The following TRIOBP variants were observed in gnomAD, a reference collection of about 807,000 sequenced individuals.
The protein encoded by TRIOBP is TRIO and F-actin binding protein.
In TRIOBP, 169 loss-of-function variants were observed where a neutral mutation model predicts 238.8. The ratio of observed to expected loss-of-function variants is 0.71; its 90% CI spans 0.62 to 0.80. The LOEUF is 0.80. TRIOBP is among the 30% of genes least tolerant of loss of function. The pLI, the probability that TRIOBP is intolerant of heterozygous loss-of-function variation, is 0.00. For synonymous variants in TRIOBP, 1,150 were observed against 1,274.4 expected (o/e 0.90, Z 2.08); for missense variants, 2,838 against 3,122.6 (o/e 0.91, Z 2.17).
chr22:37,741,162 C>A, intron 11 of TRIOBP, 130 bp downstream of exon 11: 2 of 1,272,392 alleles, frequency 1.6e-6, no homozygotes, highest in Non-Finnish European at 2.2e-6. Context: ...CGTCGCATGA[C>A]AGGAGAGGTG....
Position 37,735,385 on chromosome 22 carries a change from G to C in TRIOBP, c.5049G>C (p.Gln1683His). 2 of 1,607,574 alleles carry C rather than the reference G, an allele frequency of 1.2e-6. No homozygotes were observed. The highest frequency in any genetic ancestry group is 1.7e-6 in the Non-Finnish European group (2 of 1,177,394). Reference sequence around the variant, plus strand: ...CCGCAACTCTGGCAGGCCTGGAGCAGACGGGCCCCCTGGGGAGCAGGAGCA... The same window carrying C: ...CCGCAACTCTGGCAGGCCTGGAGCACACGGGCCCCCTGGGGAGCAGGAGCA... ...PATATLAGLE[Q>H]TGPLGSRSTA... Residue 1683 changes from glutamine (Q) to histidine (H), a missense_variant, in exon 9 of 24, where the codon CAG becomes CAC. Transcript: ENST00000644935.
At chr22:37,704,486 G>A (rs568526904) in intron 3 of TRIOBP, among the ~76,000 whole-genome samples, 3 of 150,706 alleles carry the variant, frequency 2.0e-5, no homozygotes, top group South Asian at 2.1e-4. Flanking sequence ...GAAGGGGGAG[G>A]GGGAGAGAGA....
intron 17 of TRIOBP, among the ~76,000 whole-genome samples, chr22:37,765,361 A>T (rs962844899): frequency 3.9e-5 from 6 of 152,204 alleles, no homozygotes; most frequent in African/African-American, 1.4e-4. Context: ...ACGTGCTGCA[A>T]CCGTAACTGT....
chr22:37,729,344 T>C (rs12163479), intron 7 of TRIOBP, among the ~76,000 whole-genome samples: 7 of 152,010 alleles, frequency 4.6e-5, no homozygotes, highest in Non-Finnish European at 7.4e-5. Flanking sequence ...GCCTCCTCAG[T>C]AGCTGGGACT....
intron 6 of TRIOBP, among the ~76,000 whole-genome samples, chr22:37,719,997 G>A (rs59331657): frequency 0.011 from 491 of 46,248 alleles, 47 homozygotes; most frequent in African/African-American, 0.024. Flanking sequence ...ATCCCCCCCC[G>A]CCCTTTTTTT....
intron 11 of TRIOBP, chr22:37,746,282 G>A (rs1601648725): frequency 1.8e-6 from 2 of 1,087,912 alleles, no homozygotes; most frequent in East Asian, 5.9e-5. Flanking sequence ...GAAAGGAAGG[G>A]CCGGAGGCGC....
At chr22:37,769,505 C>A in intron 21 of TRIOBP, 130 bp downstream of exon 21, 1 of 892,408 alleles carries the variant, frequency 1.1e-6, no homozygotes, top group Non-Finnish European at 1.8e-6. Context: ...GCCAGCCTGA[C>A]TAGGCTAGAA....
intron 21 of TRIOBP, among the ~76,000 whole-genome samples, chr22:37,771,429 C>T (rs1926766936): frequency 6.6e-6 from 1 of 152,138 alleles, no homozygotes; most frequent in East Asian, 1.9e-4. Flanking sequence ...GTGAGATATC[C>T]ACTCACACGG....
chr22:37,771,719 C>T lies in TRIOBP; in HGVS notation c.6919C>T (p.Leu2307Phe). The change falls in exon 22 of 24, where the codon CTC becomes TTC. Residue 2307 changes from leucine to phenylalanine, a missense_variant. Around this residue, in one of 5 missense-constraint regions of TRIOBP, gnomAD observed 2,096 missense variants for 2,137.4 expected, o/e 0.98. Transcript: ENST00000644935. Reference sequence around the variant, plus strand: ...GGAGGTGCAGTGCCTCCGGGACGAGCTCCAGATGATGCAGAAGGTAGGTCC... The same window carrying T: ...GGAGGTGCAGTGCCTCCGGGACGAGTTCCAGATGATGCAGAAGGTAGGTCC... ...KKEVQCLRDELQMMQKDKRFT... is the reference protein window; with the variant it reads ...KKEVQCLRDEFQMMQKDKRFT... 2 of 1,614,154 alleles carry T rather than the reference C, an allele frequency of 1.2e-6. No individual in the cohort carries two copies. Among genetic ancestry groups the T allele is most frequent in the Non-Finnish European group, 1.7e-6 (2 of 1,180,020 alleles).
intron 6 of TRIOBP, among the ~76,000 whole-genome samples, chr22:37,722,498 G>GAGCGGATCACCTGAGGTC (rs1206476578): frequency 1.3e-5 from 2 of 150,610 alleles, no homozygotes; most frequent in East Asian, 1.9e-4. Context: ...AGGCCGAGGT[G>GAGCGGATCACCTGAGGTC]AGCGGATCAC....
intron 6 of TRIOBP, among the ~76,000 whole-genome samples, chr22:37,719,010 C>T (rs1385353862): frequency 6.6e-6 from 1 of 151,066 alleles, no homozygotes; most frequent in Admixed American, 6.6e-5. Flanking sequence ...CCACGCCCAG[C>T]TGACTTTTTG....
chr22:37,737,736 A>C (rs983782169), intron 9 of TRIOBP, among the ~76,000 whole-genome samples: 4 of 151,062 alleles, frequency 2.6e-5, no homozygotes, highest in African/African-American at 9.8e-5. Context: ...GATTTGCCTC[A>C]TTGGTGCTGA....
At position 37,713,260 on chromosome 22, in the gene TRIOBP, C is replaced by G. The variant is rs745319028; in HGVS notation, c.305C>G (p.Pro102Arg). Residue 102 changes from proline to arginine, a missense_variant, in exon 5 of 24, where the codon CCC (proline) becomes CGC (arginine). Around this residue, in one of 5 missense-constraint regions of TRIOBP, gnomAD observed 535 missense variants for 537.3 expected, o/e 1.00. Coordinates refer to ENST00000644935, the MANE Select transcript of TRIOBP (RefSeq NM_001039141.3). ...CCAGAAGAGGGTCCCACAGCTGCCC[C>G]CAGGAGCAGGAGCCGGGAGCTTGAG... Reference protein sequence around the residue: ...GLPEEGPTAAPRSRSRELEAV... With the variant: ...GLPEEGPTAARRSRSRELEAV... 1 of 1,613,910 alleles carries G rather than the reference C, an allele frequency of 6.2e-7. No homozygotes were observed. Among genetic ancestry groups the G allele is most frequent in the South Asian group, 1.1e-5 (1 of 91,090 alleles).
chr22:37,740,804 G>T, intron 10 of TRIOBP, 91 bp from the exon 11 acceptor site: 1 of 1,531,904 alleles, frequency 6.5e-7, no homozygotes, highest in Non-Finnish European at 8.8e-7. Flanking sequence ...CATGGTGGGG[G>T]GCACCACAGA....
rs559009005 is a variant in TRIOBP at position 37,738,569 on chromosome 22, T to C, written c.5107-73T>C. The C allele has an allele frequency of 2.7e-5, 38 of 1,415,240 alleles. No individual in the cohort carries two copies. The African/African-American group carries it at 4.8e-4, about 18-fold the overall frequency. The allele number at this position is 1,415,240 out of a possible 1,614,324, so 87.7% of individuals were successfully genotyped here. ...TTGCATGGACAGATGATAGAATGGA[T>C]GGATGAGGTGGACAGATGCATGCAT... On this transcript the variant is annotated intron_variant, in intron 9 of 23. Coordinates refer to ENST00000644935, the MANE Select transcript of TRIOBP (RefSeq NM_001039141.3).
At chr22:37,742,365 C>T (rs1168373360) in intron 11 of TRIOBP, among the ~76,000 whole-genome samples, 3 of 150,614 alleles carry the variant, frequency 2.0e-5, no homozygotes, top group South Asian at 2.2e-4. Flanking sequence ...CAGGTTCAAG[C>T]GATTCTGCCA....
intron 15 of TRIOBP, among the ~76,000 whole-genome samples, chr22:37,756,875 T>G (rs188002675): frequency 2.0e-5 from 3 of 152,304 alleles, no homozygotes; most frequent in East Asian, 3.9e-4. Context: ...CTTCACCCCA[T>G]CAGCAGTGAC....
intron 17 of TRIOBP, 70 bp from the exon 18 acceptor site, chr22:37,765,600 T>G: frequency 6.5e-7 from 1 of 1,543,896 alleles, no homozygotes. Context: ...CCTTCTCCTC[T>G]GGAGGCTGGG....
chr22:37,771,293 G>C (rs932694106), intron 21 of TRIOBP, among the ~76,000 whole-genome samples: 3 of 152,168 alleles, frequency 2.0e-5, no homozygotes, highest in African/African-American at 7.2e-5. Flanking sequence ...TCGGGGTTGG[G>C]GAGGGGTTAA....
Sources: gnomAD v4.1 joint callset for allele counts (sites outside exome capture counted in the v4.1 genomes callset) on GRCh38, gnomAD v4.1.1 for gene constraint, gnomAD v4.1.1 regional missense constraint, MANE v1.5 for transcripts, NCBI Gene and HGNC (gene_info 2026-07-23, HGNC 2026-07-21) for gene names.